Variants in KCNQ3 observed in about 807,000 individuals in gnomAD.
KCNQ3 encodes potassium voltage-gated channel subfamily KQT member 3.
Under a neutral mutation model 92.5 loss-of-function variants are expected in KCNQ3, and 30 were observed. The observed-to-expected ratio is 0.32, with a 90% CI of 0.24 to 0.44. The LOEUF (loss-of-function observed/expected upper bound fraction) is 0.44. Among genes scored for constraint, KCNQ3 ranks in the 20% least tolerant of loss-of-function variants. KCNQ3 has a pLI of 1.00. For missense variants in KCNQ3, 913 were observed against 1,140.3 expected (o/e 0.80, Z 2.87); for synonymous variants, 450 against 468.8 (o/e 0.96, Z 0.52).
intron 1 of KCNQ3, among the ~76,000 whole-genome samples, chr8:132,427,493 T>TC (rs1030780170): frequency 6.6e-6 from 1 of 152,216 alleles, no homozygotes; most frequent in African/African-American, 2.4e-5. Context: ...GTGTTTTTTT[T>TC]CTGCCTGATA....
chr8:132,176,163 G>A (rs145252570), intron 4 of KCNQ3, among the ~76,000 whole-genome samples: 3 of 152,318 alleles, frequency 2.0e-5, no homozygotes, highest in Non-Finnish European at 4.4e-5. Context: ...CTGGTGAAAT[G>A]CAGCTTTACA....
chr8:132,161,279 T>C (rs1825977853), intron 9 of KCNQ3, among the ~76,000 whole-genome samples: 1 of 152,202 alleles, frequency 6.6e-6, no homozygotes, highest in Non-Finnish European at 1.5e-5. Flanking sequence ...GTGTATAGGC[T>C]ACCTATGCTA....
At chr8:132,216,198 CAAT>C (rs1478266402) in intron 1 of KCNQ3, among the ~76,000 whole-genome samples, 1 of 152,136 alleles carries the variant, frequency 6.6e-6, no homozygotes, top group East Asian at 1.9e-4. Context: ...TGTAAAACAA[CAAT>C]GATGACAACA....
chr8:132,259,982 G>A (rs1324389371), intron 1 of KCNQ3, among the ~76,000 whole-genome samples: 1 of 152,082 alleles, frequency 6.6e-6, no homozygotes. Flanking sequence ...ACAAAACATT[G>A]TTGACATTAA....
chr8:132,435,857 C>A (rs1054911017), intron 1 of KCNQ3, among the ~76,000 whole-genome samples: 1 of 152,146 alleles, frequency 6.6e-6, no homozygotes, highest in African/African-American at 2.4e-5. Context: ...GCGGAAGGCT[C>A]TCAGCCTTTA....
At chr8:132,188,528 G>T (rs1216176435) in intron 1 of KCNQ3, among the ~76,000 whole-genome samples, 2 of 152,174 alleles carry the variant, frequency 1.3e-5, no homozygotes, top group African/African-American at 4.8e-5. Flanking sequence ...TGTGTAAAAT[G>T]AATCCAATTA....
At chr8:132,310,330 C>T (rs1266331128) in intron 1 of KCNQ3, among the ~76,000 whole-genome samples, 2 of 152,206 alleles carry the variant, frequency 1.3e-5, no homozygotes, top group Non-Finnish European at 2.9e-5. Context: ...AAAGATCCCC[C>T]AGCTCCCTTT....
In KCNQ3 at chr8:132,137,985, A is replaced by ATTT; in HGVS notation, c.1597_1599dup (p.Lys533dup). The ATTT allele has an allele frequency of 6.3e-7, 1 of 1,595,314 alleles. No individual in the cohort carries two copies. On this transcript the variant is annotated inframe_insertion, in exon 12 of 15. Transcript: ENST00000388996. ...TCGTAAGGCCTCAAAGTCTCCTTGA[A>ATTT]TTTTTTTTTATAGAGACGGAATTGT... is the stretch of plus-strand genomic sequence containing the variant.
At chr8:132,159,212 A>G (rs1464247509) in intron 9 of KCNQ3, among the ~76,000 whole-genome samples, 2 of 152,228 alleles carry the variant, frequency 1.3e-5, no homozygotes, top group Non-Finnish European at 2.9e-5. Context: ...ATGCAATATT[A>G]TTATTAGGAA....
At chr8:132,241,431 C>G (rs760860100) in intron 1 of KCNQ3, among the ~76,000 whole-genome samples, 13 of 150,708 alleles carry the variant, frequency 8.6e-5, no homozygotes, top group Non-Finnish European at 1.9e-4. Flanking sequence ...GAATTTCGCT[C>G]TTGTTGCCCA....
At chr8:132,337,739 C>T (rs534919012) in intron 1 of KCNQ3, among the ~76,000 whole-genome samples, 2 of 152,172 alleles carry the variant, frequency 1.3e-5, no homozygotes, top group South Asian at 4.2e-4. Flanking sequence ...ATGCATTTGC[C>T]CTCAATGTGA....
Position 132,140,187 on chromosome 8 carries a change from G to GA in KCNQ3, c.1466-10dup. The GA allele has an allele frequency of 6.2e-7, 1 of 1,605,060 alleles. No individual in the cohort carries two copies. The highest frequency in any genetic ancestry group is 8.5e-7 in the Non-Finnish European group (1 of 1,172,490). On this transcript the variant is annotated splice_polypyrimidine_tract_variant and intron_variant, in intron 10 of 14. Coordinates refer to ENST00000388996, the MANE Select transcript of KCNQ3 (RefSeq NM_004519.4). The stretch of plus-strand genomic sequence containing the variant: ...GTCACCTGTCCCGGCATCTGGGAGG[G>GA]AGACACACATATGAACGGCAGGCCA...
intron 1 of KCNQ3, among the ~76,000 whole-genome samples, chr8:132,279,142 C>T (rs538276268): frequency 3.3e-5 from 5 of 152,216 alleles, no homozygotes; most frequent in African/African-American, 1.2e-4. Context: ...TGCTTGAACC[C>T]GGAAGGCGGA....
intron 1 of KCNQ3, among the ~76,000 whole-genome samples, chr8:132,235,179 G>A (rs1022466026): frequency 6.6e-6 from 1 of 152,020 alleles, no homozygotes; most frequent in Non-Finnish European, 1.5e-5. Context: ...AGCCTTCTGG[G>A]TGTCCTAGGA....
Position 132,480,545 on chromosome 8 carries a change from C to T in KCNQ3, c.-13G>A. ...CCTTGAGCCCCATCTGCCTCGCCCC[C>T]GCCGGCCGCTTCGCCTTCTCCGCTG... On this transcript the variant is annotated 5_prime_UTR_variant, in exon 1 of 15. Coordinates refer to ENST00000388996, the MANE Select transcript of KCNQ3 (RefSeq NM_004519.4). The T allele has an allele frequency of 1.6e-6, 2 of 1,255,610 alleles. No homozygotes were observed. The highest frequency in any genetic ancestry group is 3.1e-5 in the South Asian group (2 of 63,722). 77.8% of individuals were successfully genotyped at this position (1,255,610 alleles called of 1,614,324 possible).
At chr8:132,139,069 T>G (rs1825201812) in intron 11 of KCNQ3, among the ~76,000 whole-genome samples, 2 of 150,158 alleles carry the variant, frequency 1.3e-5, no homozygotes, top group South Asian at 4.1e-4. Context: ...TGTGCTACAA[T>G]GATAGAGCTG....
At chr8:132,415,780 A>ATGAT (rs1405542418) in intron 1 of KCNQ3, among the ~76,000 whole-genome samples, 3 of 152,212 alleles carry the variant, frequency 2.0e-5, no homozygotes, top group Admixed American at 6.5e-5. Flanking sequence ...AGCTATTGCC[A>ATGAT]TGATTTTCGG....
intron 1 of KCNQ3, among the ~76,000 whole-genome samples, chr8:132,346,764 A>G (rs975784583): frequency 6.6e-6 from 1 of 152,188 alleles, no homozygotes; most frequent in Non-Finnish European, 1.5e-5. Context: ...TGCAGGACAG[A>G]GTCTGGGAGG....
intron 1 of KCNQ3, among the ~76,000 whole-genome samples, chr8:132,331,065 C>T (rs1163903627): frequency 6.6e-6 from 1 of 152,126 alleles, no homozygotes; most frequent in Admixed American, 6.5e-5. Context: ...GATGCTGTGC[C>T]CAGCAGGGGA....
Sources: gnomAD v4.1 joint callset for allele counts (sites outside exome capture counted in the v4.1 genomes callset) on GRCh38, gnomAD v4.1.1 for gene constraint, MANE v1.5 for transcripts, NCBI Gene and HGNC (gene_info 2026-07-23, HGNC 2026-07-21) for gene names.